ROBO2: variants seen among roughly 807,000 people sequenced by gnomAD.
The protein encoded by ROBO2 is roundabout guidance receptor 2.
A neutral mutation model predicts 160.8 loss-of-function variants in ROBO2; 53 were observed. That is an observed-to-expected ratio of 0.33 (90% CI 0.26 to 0.41). ROBO2 has a LOEUF of 0.41. ROBO2 is among the 10% of genes least tolerant of loss of function. ROBO2 has a pLI of 1.00. For missense variants in ROBO2, 1,577 were observed against 1,722.4 expected (o/e 0.92, Z 1.49); for synonymous variants, 664 against 611.7 (o/e 1.09, Z -1.26).
intron 2 of ROBO2, among the ~76,000 whole-genome samples, chr3:76,640,591 G>A (rs976783489): frequency 3.1e-4 from 6 of 19,532 alleles, no homozygotes; most frequent in Admixed American, 2.2e-3. Flanking sequence ...GCGTGTTTGC[G>A]TGTGAGTGTG....
intron 2 of ROBO2, among the ~76,000 whole-genome samples, chr3:77,362,321 T>A (rs917837749): frequency 6.6e-6 from 1 of 151,936 alleles, no homozygotes; most frequent in Non-Finnish European, 1.5e-5. Flanking sequence ...AGCCAAGAAG[T>A]AGAGTGGGGG....
intron 2 of ROBO2, among the ~76,000 whole-genome samples, chr3:77,354,425 CG>C (rs1560604445): frequency 6.6e-6 from 1 of 150,668 alleles, no homozygotes; most frequent in East Asian, 2.0e-4. Context: ...TTTTATTTCG[CG>C]GCATGAATTT....
At chr3:77,401,886 G>A (rs929641934) in intron 2 of ROBO2, among the ~76,000 whole-genome samples, 3 of 152,154 alleles carry the variant, frequency 2.0e-5, no homozygotes, top group African/African-American at 4.8e-5. Context: ...CCTACCAAAA[G>A]TGTAAAAGCA....
At chr3:76,232,546 A>G (rs1010673193) in intron 2 of ROBO2, among the ~76,000 whole-genome samples, 2 of 152,220 alleles carry the variant, frequency 1.3e-5, no homozygotes, top group Non-Finnish European at 2.9e-5. Context: ...CAAAGTTGCA[A>G]CAGTACATCG....
At chr3:77,624,623 G>T (rs34486006) in intron 23 of ROBO2, among the ~76,000 whole-genome samples, 1 of 151,998 alleles carries the variant, frequency 6.6e-6, no homozygotes, top group Admixed American at 6.5e-5. Flanking sequence ...AATAAAACAG[G>T]CATTATTTCT....
Position 76,203,686 on chromosome 3 carries a change from T to A in ROBO2, c.109+266084T>A, listed in dbSNP as rs372464220. ...CGGTCAACAGATCACAGGTCACGGT[T>A]CTAGTAACCTGAGTGAGATTGCCTC... On this transcript the variant is annotated intron_variant, in intron 2 of 26. Coordinates refer to the ROBO2 transcript ENST00000487694. 7.4e-3 allele frequency among the ~76,000 whole-genome samples: 1,128 copies of A among 151,910 alleles called. 15 individuals carry two copies. Among genetic ancestry groups the A allele is most frequent in the South Asian group, 0.021 (101 of 4,798 alleles).
chr3:77,292,946 G>A (rs1299331262), intron 2 of ROBO2, among the ~76,000 whole-genome samples: 2 of 149,406 alleles, frequency 1.3e-5, no homozygotes, highest in African/African-American at 2.5e-5. Context: ...ACGATTAAAC[G>A]GTAAGCTGAG....
chr3:76,850,225 T>C (rs1346390795), intron 2 of ROBO2, among the ~76,000 whole-genome samples: 1 of 152,154 alleles, frequency 6.6e-6, no homozygotes, highest in Non-Finnish European at 1.5e-5. Context: ...TAAGATTTTA[T>C]GACTAAAAAA....
chr3:76,090,874 C>T (rs956627867), intron 2 of ROBO2, among the ~76,000 whole-genome samples: 8 of 152,206 alleles, frequency 5.3e-5, no homozygotes, highest in South Asian at 2.1e-4. Flanking sequence ...GAAAATGGTG[C>T]GGGAACAACT....
At chr3:76,354,958 G>A (rs1406483594) in intron 2 of ROBO2, among the ~76,000 whole-genome samples, 3 of 151,692 alleles carry the variant, frequency 2.0e-5, no homozygotes, top group African/African-American at 7.3e-5. Flanking sequence ...TTAGGACCCA[G>A]TGAAATATTT....
intron 2 of ROBO2, among the ~76,000 whole-genome samples, chr3:76,756,005 C>T (rs1464602806): frequency 1.3e-5 from 2 of 151,716 alleles, no homozygotes; most frequent in East Asian, 3.9e-4. Context: ...ATTTTTAATA[C>T]CCTATGTATG....
intron 2 of ROBO2, among the ~76,000 whole-genome samples, chr3:76,745,510 G>C (rs2093870819): frequency 6.6e-6 from 1 of 152,078 alleles, no homozygotes; most frequent in Non-Finnish European, 1.5e-5. Flanking sequence ...CAATTTGTCT[G>C]TATGCTTTTC....
rs1560251796 is a variant in ROBO2 at position 76,622,230 on chromosome 3, G to GAAA, written c.110-475784_110-475783insAAA. Among the ~76,000 whole-genome samples, 502 of 55,216 alleles carry GAAA rather than the reference G, an allele frequency of 9.1e-3. 13 individuals carry two copies. Among genetic ancestry groups the GAAA allele is most frequent in the Middle Eastern group, 0.026 (4 of 154 alleles). The allele number at this position is 55,216 out of a possible 152,430, so 36.2% of individuals were successfully genotyped here. On this transcript the variant is annotated intron_variant, in intron 2 of 26. Transcript: ENST00000487694. The stretch of plus-strand genomic sequence containing the variant: ...AGGAAGGAAGGAAGGAAGGAAGGAA[G>GAAA]GAAGGAAGAAAGAAAGAAAGAAAGA...
intron 21 of ROBO2, among the ~76,000 whole-genome samples, chr3:77,614,790 A>C (rs926821620): frequency 1.3e-5 from 2 of 152,122 alleles, no homozygotes; most frequent in Non-Finnish European, 2.9e-5. Flanking sequence ...TTCTGTAACT[A>C]TCTCTCACCC....
At chr3:76,529,769 C>T (rs187902500) in intron 2 of ROBO2, among the ~76,000 whole-genome samples, 71 of 152,182 alleles carry the variant, frequency 4.7e-4, no homozygotes, top group African/African-American at 1.7e-3. Flanking sequence ...TAAATCCGTC[C>T]GTTCAAATCT....
At chr3:76,052,482 C>A (rs568217421) in intron 2 of ROBO2, among the ~76,000 whole-genome samples, 1 of 149,930 alleles carries the variant, frequency 6.7e-6, no homozygotes, top group East Asian at 1.9e-4. Flanking sequence ...ATGATGCTGT[C>A]CTTGAGATTT....
chr3:76,875,774 C>T (rs2072647903), intron 2 of ROBO2, among the ~76,000 whole-genome samples: 1 of 152,124 alleles, frequency 6.6e-6, no homozygotes, highest in South Asian at 2.1e-4. Flanking sequence ...CCGCCTCCAC[C>T]TCTCAAGTAT....
At chr3:75,941,966 T>A (rs985243975) in intron 2 of ROBO2, among the ~76,000 whole-genome samples, 2 of 150,648 alleles carry the variant, frequency 1.3e-5, no homozygotes, top group African/African-American at 2.4e-5. Flanking sequence ...TAAACAGCCC[T>A]CTCTCTCTCT....
intron 2 of ROBO2, among the ~76,000 whole-genome samples, chr3:76,803,061 G>T (rs1361695479): frequency 6.6e-6 from 1 of 152,182 alleles, no homozygotes; most frequent in East Asian, 1.9e-4. Context: ...AAAAGAGACA[G>T]AGCATGGAGT....
Sources: gnomAD v4.1 joint callset for allele counts (sites outside exome capture counted in the v4.1 genomes callset) on GRCh38, gnomAD v4.1.1 for gene constraint, MANE v1.5 for transcripts, NCBI Gene and HGNC (gene_info 2026-07-23, HGNC 2026-07-21) for gene names.